The following ASTN2 variants were observed in gnomAD, a reference collection of about 807,000 sequenced individuals.
ASTN2 encodes astrotactin 2.
ASTN2 carries 54 observed loss-of-function variants against 139.8 expected under a neutral mutation model. That is an observed-to-expected ratio of 0.39 (90% confidence interval 0.31 to 0.48). The LOEUF is 0.48. ASTN2 is among the 20% of genes least tolerant of loss of function. The pLI is 0.95. For synonymous variants in ASTN2, 756 were observed against 719.5 expected (o/e 1.05, Z -0.81); for missense variants, 1,565 against 1,725.1 (o/e 0.91, Z 1.64).
At chr9:117,367,610 C>T (rs1054658289) in intron 1 of ASTN2, among the ~76,000 whole-genome samples, 1 of 152,152 alleles carries the variant, frequency 6.6e-6, no homozygotes, top group Non-Finnish European at 1.5e-5. Flanking sequence ...AGACGGTAAG[C>T]TCCTAACAGG....
intron 2 of ASTN2, among the ~76,000 whole-genome samples, chr9:117,235,587 C>T (rs997616955): frequency 1.3e-5 from 2 of 152,168 alleles, no homozygotes; most frequent in Admixed American, 1.3e-4. Flanking sequence ...AACAAAATGG[C>T]ATTTGCACAG....
intron 1 of ASTN2, among the ~76,000 whole-genome samples, chr9:117,299,201 T>G (rs998255274): frequency 1.3e-5 from 2 of 152,066 alleles, no homozygotes; most frequent in Non-Finnish European, 2.9e-5. Flanking sequence ...GGATCAGAGG[T>G]GATTTTAATC....
At chr9:116,811,724 G>A (rs1403587567) in intron 12 of ASTN2, among the ~76,000 whole-genome samples, 1 of 152,182 alleles carries the variant, frequency 6.6e-6, no homozygotes, top group African/African-American at 2.4e-5. Flanking sequence ...AGATGAAACT[G>A]TATCTCTCAT....
At chr9:116,511,288 T>A (rs373803531) in intron 19 of ASTN2, among the ~76,000 whole-genome samples, 1 of 152,238 alleles carries the variant, frequency 6.6e-6, no homozygotes, top group African/African-American at 2.4e-5. Flanking sequence ...TGGTTCTGTT[T>A]ATATGCTGGA....
chr9:117,143,141 G>C (rs1830113511), intron 3 of ASTN2, among the ~76,000 whole-genome samples: 1 of 152,180 alleles, frequency 6.6e-6, no homozygotes, highest in African/African-American at 2.4e-5. Flanking sequence ...GAGGGTTATA[G>C]GGAAAAGGTA....
chr9:116,955,753 G>A (rs758729703), intron 10 of ASTN2, among the ~76,000 whole-genome samples: 1 of 152,196 alleles, frequency 6.6e-6, no homozygotes, highest in Non-Finnish European at 1.5e-5. Flanking sequence ...CTATAAAATG[G>A]GGCCAGTGTT....
intron 4 of ASTN2, among the ~76,000 whole-genome samples, chr9:117,114,751 C>G (rs1047739342): frequency 2.0e-5 from 3 of 152,154 alleles, no homozygotes; most frequent in Admixed American, 6.5e-5. Flanking sequence ...GGCTATGTAT[C>G]TTGCATGGCC....
intron 13 of ASTN2, among the ~76,000 whole-genome samples, chr9:116,786,891 C>T (rs186563346): frequency 6.6e-5 from 10 of 152,158 alleles, no homozygotes; most frequent in Admixed American, 3.3e-4. Flanking sequence ...GGGGCCATTT[C>T]CCCCATCCTG....
At chr9:117,079,075 G>A (rs1422087343) in intron 5 of ASTN2, among the ~76,000 whole-genome samples, 1 of 152,186 alleles carries the variant, frequency 6.6e-6, no homozygotes, top group Non-Finnish European at 1.5e-5. Flanking sequence ...TAAAAAGATG[G>A]TCGGGTGCAG....
At chr9:116,832,550 G>GA (rs1362308746) in intron 11 of ASTN2, among the ~76,000 whole-genome samples, 1 of 149,550 alleles carries the variant, frequency 6.7e-6, no homozygotes, top group Non-Finnish European at 1.5e-5. Context: ...TTTTTTTTTT[G>GA]AAAGTTTTAA....
At chr9:116,677,236 T>G (rs1859561444) in intron 16 of ASTN2, among the ~76,000 whole-genome samples, 2 of 152,138 alleles carry the variant, frequency 1.3e-5, no homozygotes, top group Admixed American at 1.3e-4. Context: ...AATGCATACA[T>G]GAGAGGCACT....
Position 117,071,660 on chromosome 9 carries a change from G to C in ASTN2, c.1276+24384C>G, listed in dbSNP as rs562579571. Among the ~76,000 whole-genome samples the C allele has an allele frequency of 2.8e-3, 409 of 148,580 alleles. 4 individuals carry two copies. The highest frequency in any genetic ancestry group is 9.9e-3 in the African/African-American group (394 of 39,810). On this transcript the variant is annotated intron_variant, in intron 5 of 22. Transcript: ENST00000313400. Reference sequence around the variant, plus strand: ...TCAGACTGCTGTGCTAGCAATCAGCGAGATTCCGTGGGCGTAGGACCCTCT... The same window carrying C: ...TCAGACTGCTGTGCTAGCAATCAGCCAGATTCCGTGGGCGTAGGACCCTCT...
intron 2 of ASTN2, among the ~76,000 whole-genome samples, chr9:117,215,619 T>C (rs1312526633): frequency 3.3e-5 from 5 of 152,126 alleles, no homozygotes; most frequent in Non-Finnish European, 7.3e-5. Flanking sequence ...TACTCTGGTC[T>C]GTAAGATCCT....
Position 116,426,094 on chromosome 9 carries a change from A to T in ASTN2, c.3783-6T>A. On this transcript the variant is annotated splice_region_variant and splice_polypyrimidine_tract_variant and intron_variant, in intron 22 of 22. Coordinates refer to ENST00000313400, the MANE Select transcript of ASTN2 (RefSeq NM_001365068.1). ...GTAGAATCAGGTGGGCCTTCCTGAA[A>T]GGTAGGATGAGACAGCCATGATTAA... 1 of 1,611,864 alleles carries T rather than the reference A, an allele frequency of 6.2e-7. No homozygotes were observed. Among genetic ancestry groups the T allele is most frequent in the Non-Finnish European group, 8.5e-7 (1 of 1,179,872 alleles).
At chr9:116,556,892 C>T (rs62574415) in intron 19 of ASTN2, among the ~76,000 whole-genome samples, 24,138 of 151,882 alleles carry the variant, frequency 0.16, 2,083 homozygotes, top group African/African-American at 0.21. Flanking sequence ...ATGTAGAATA[C>T]ATAGATACAG....
intron 19 of ASTN2, among the ~76,000 whole-genome samples, chr9:116,614,614 A>C (rs1028314341): frequency 1.3e-5 from 2 of 152,130 alleles, no homozygotes; most frequent in African/African-American, 4.8e-5. Context: ...CAAAAACAAG[A>C]AATGGGGAAA....
intron 1 of ASTN2, among the ~76,000 whole-genome samples, chr9:117,336,810 T>C (rs1051303726): frequency 2.0e-5 from 3 of 152,170 alleles, no homozygotes; most frequent in African/African-American, 7.2e-5. Context: ...TTCAGGTTCA[T>C]GTCAGTCTAT....
At chr9:117,113,625 C>A (rs889737911) in intron 4 of ASTN2, among the ~76,000 whole-genome samples, 1 of 152,058 alleles carries the variant, frequency 6.6e-6, no homozygotes, top group Non-Finnish European at 1.5e-5. Flanking sequence ...CATTGCGCTC[C>A]AGCCTGGGCA....
At chr9:117,304,151 T>A (rs962161284) in intron 1 of ASTN2, among the ~76,000 whole-genome samples, 5 of 152,142 alleles carry the variant, frequency 3.3e-5, no homozygotes, top group African/African-American at 1.2e-4. Context: ...CCAACTAAGC[T>A]CAGCGTAAAT....
Sources: gnomAD v4.1 joint callset for allele counts (sites outside exome capture counted in the v4.1 genomes callset) on GRCh38, gnomAD v4.1.1 for gene constraint, MANE v1.5 for transcripts, NCBI Gene and HGNC (gene_info 2026-07-23, HGNC 2026-07-21) for gene names.